The following RGS20 variants were observed in gnomAD, a reference collection of about 807,000 sequenced individuals.
RGS20 encodes gz-selective GTPase-activating protein.
RGS20 carries 30 observed loss-of-function variants against 33.6 expected under a neutral mutation model. The observed-to-expected ratio is 0.89, with a 90% confidence interval of 0.67 to 1.21. RGS20 has a LOEUF of 1.21. Among genes scored for constraint, RGS20 ranks in the 50% most tolerant of loss-of-function variants. The pLI, the probability that RGS20 is intolerant of heterozygous loss-of-function variation, is 0.00. For synonymous variants in RGS20, 208 were observed against 197.9 expected (o/e 1.05, Z -0.43); for missense variants, 472 against 502.4 (o/e 0.94, Z 0.58).
intron 5 of RGS20, among the ~76,000 whole-genome samples, chr8:53,955,717 G>A (rs1345752240): frequency 6.6e-6 from 1 of 152,122 alleles, no homozygotes; most frequent in African/African-American, 2.4e-5. Flanking sequence ...TGTAATCCCA[G>A]CTACTCAGGA....
At chr8:53,889,925 G>A (rs1812666511) in intron 2 of RGS20, among the ~76,000 whole-genome samples, 1 of 152,024 alleles carries the variant, frequency 6.6e-6, no homozygotes, top group African/African-American at 2.4e-5. Context: ...TGAATATAAT[G>A]TGCCTATATG....
chr8:53,942,767 T>C (rs1236555196), intron 3 of RGS20, among the ~76,000 whole-genome samples: 3 of 151,320 alleles, frequency 2.0e-5, no homozygotes, highest in African/African-American at 4.9e-5. Context: ...GGCAGAAGGA[T>C]TGTTTGAGCC....
chr8:53,880,735 G>C lies in RGS20; in HGVS notation c.510+1133G>C, dbSNP rs570949836. The C allele has an allele frequency of 5.9e-4, 381 of 648,142 alleles. 1 individual carries two copies. In the African/African-American group the frequency reaches 6.5e-3, roughly 11 times the overall value. 40.1% of individuals were successfully genotyped at this position (648,142 alleles called of 1,614,324 possible). A position where few individuals can be genotyped will look rare whatever the true frequency, so the allele number is the denominator to read the frequency against. ...GGGCTGGAGCAGTGGGGCTGCGGCC[G>C]GGGTGGAGGTCGCGCCCCGCGTGGG... On this transcript the variant is annotated intron_variant, in intron 2 of 5. Coordinates refer to ENST00000297313, the MANE Select transcript of RGS20 (RefSeq NM_170587.4).
intron 2 of RGS20, chr8:53,879,640 C>A: frequency 7.2e-7 from 1 of 1,390,560 alleles, no homozygotes; most frequent in Non-Finnish European, 9.5e-7. Context: ...CACACCCAGC[C>A]TCCCCAGGAC....
intron 2 of RGS20, among the ~76,000 whole-genome samples, chr8:53,929,390 A>G (rs563268348): frequency 3.9e-5 from 6 of 152,286 alleles, no homozygotes; most frequent in South Asian, 2.1e-4. Context: ...TTAAAAATGT[A>G]TAAGAACAGG....
chr8:53,931,911 C>T (rs1407908798), intron 2 of RGS20, among the ~76,000 whole-genome samples: 1 of 152,152 alleles, frequency 6.6e-6, no homozygotes, highest in Non-Finnish European at 1.5e-5. Flanking sequence ...AACCTACAGA[C>T]CAAAAGATTT....
At chr8:53,856,027 G>T (rs986333125) in intron 1 of RGS20, among the ~76,000 whole-genome samples, 22 of 152,116 alleles carry the variant, frequency 1.4e-4, no homozygotes, top group African/African-American at 4.8e-4. Flanking sequence ...GCTTCTGACA[G>T]TGATTTAAAA....
rs1261717017 is a variant in RGS20, at chr8:53,877,515, C to A, written c.166-1743C>A. Among the ~76,000 whole-genome samples, 1 of 152,244 alleles carries A rather than the reference C, an allele frequency of 6.6e-6. No homozygotes were observed. Among genetic ancestry groups the A allele is most frequent in the Non-Finnish European group, 1.5e-5 (1 of 68,042 alleles). On this transcript the variant is annotated intron_variant, in intron 1 of 5. Transcript: ENST00000297313. This position sits in a 1 kb window ranked among gnomAD's most constrained non-coding sequence, Gnocchi z 5.7. ...CGAGCGAGACGAACGCTCAGCAGCTCGTTCCCTGGGCGCCAAGACCGATTT... is the reference window on the plus strand; with the variant it reads ...CGAGCGAGACGAACGCTCAGCAGCTAGTTCCCTGGGCGCCAAGACCGATTT...
rs773651405 is a variant in RGS20, at chr8:53,879,339, G to C, written c.247G>C (p.Ala83Pro). The C allele has an allele frequency of 6.2e-7, 1 of 1,612,500 alleles. No individual in the cohort carries two copies. Among genetic ancestry groups the C allele is most frequent in the Admixed American group, 1.7e-5 (1 of 60,008 alleles). Residue 83 changes from alanine (A) to proline (P), a missense_variant, in exon 2 of 6, where the codon GCA (alanine) becomes CCA (proline). Ala to Pro is a conservative substitution (Grantham distance 27). Coordinates refer to ENST00000297313, the MANE Select transcript of RGS20 (RefSeq NM_170587.4). ...CCTTTCTAGCCCGCTTTCCAGCCTC[G>C]CAAGGTTCTTCTCTCACCTTCTCCG...
At chr8:53,900,729 A>G (rs1215474682) in intron 2 of RGS20, among the ~76,000 whole-genome samples, 1 of 152,146 alleles carries the variant, frequency 6.6e-6, no homozygotes, top group Non-Finnish European at 1.5e-5. Context: ...CACAAGTGGC[A>G]AAGGTCAGGA....
rs367772430 is a variant in RGS20 at position 53,907,269 on chromosome 8, T to C, written c.510+27667T>C. Among the ~76,000 whole-genome samples the C allele has an allele frequency of 4.7e-4, 72 of 152,244 alleles. 1 individual carries two copies. The highest frequency in any genetic ancestry group is 1.7e-3 in the African/African-American group (70 of 41,568). ...GCATTTGATGTTTTCTATGTCTTGT[T>C]AGCCTTCCTGTATCTATTAAGATTT... On this transcript the variant is annotated intron_variant, in intron 2 of 5. Coordinates refer to ENST00000297313, the MANE Select transcript of RGS20 (RefSeq NM_170587.4).
intron 5 of RGS20, among the ~76,000 whole-genome samples, chr8:53,957,475 C>T (rs1209964758): frequency 6.6e-6 from 1 of 152,250 alleles, no homozygotes; most frequent in Non-Finnish European, 1.5e-5. Context: ...TCAACTTCCA[C>T]TTCACCCCTG....
chr8:53,951,492 A>AAAAAAG (rs1233445427), intron 4 of RGS20, among the ~76,000 whole-genome samples: 11 of 152,140 alleles, frequency 7.2e-5, no homozygotes, highest in African/African-American at 2.6e-4. Flanking sequence ...CTGTATCAGA[A>AAAAAAG]AAAAAGAAAA....
intron 3 of RGS20, among the ~76,000 whole-genome samples, chr8:53,946,138 C>T (rs771451611): frequency 1.2e-4 from 18 of 152,106 alleles, no homozygotes; most frequent in Non-Finnish European, 2.2e-4. Context: ...GAAACAAAGC[C>T]TAGAGGATGT....
At chr8:53,862,639 A>G (rs1487710453) in intron 1 of RGS20, among the ~76,000 whole-genome samples, 1 of 152,196 alleles carries the variant, frequency 6.6e-6, no homozygotes, top group Non-Finnish European at 1.5e-5. Flanking sequence ...CTCCACAAGA[A>G]AATTTAAAAA....
intron 4 of RGS20, among the ~76,000 whole-genome samples, chr8:53,953,431 GA>G (rs1395867857): frequency 6.6e-6 from 1 of 151,428 alleles, no homozygotes; most frequent in Non-Finnish European, 1.5e-5. Context: ...CAAGGAGAGA[GA>G]ATCATATGAG....
Position 53,944,409 on chromosome 8 carries a change from G to A in RGS20, c.660-2256G>A, listed in dbSNP as rs544199720. The stretch of plus-strand genomic sequence containing the variant: ...AAAAATTAGCTGGGTGTGGTGGTGC[G>A]CGCCTGTAGTCCCAGCTACTCAGGA... On this transcript the variant is annotated intron_variant, in intron 3 of 5. Transcript: ENST00000297313. Among the ~76,000 whole-genome samples the A allele has an allele frequency of 3.2e-4, 48 of 152,050 alleles. 1 individual carries two copies. Among genetic ancestry groups the A allele is most frequent in the Admixed American group, 1.6e-3 (25 of 15,260 alleles).
intron 1 of RGS20, among the ~76,000 whole-genome samples, chr8:53,854,287 G>A (rs1483538): frequency 0.15 from 22,423 of 151,906 alleles, 3,620 homozygotes; most frequent in African/African-American, 0.38. Flanking sequence ...TATTGAGAGG[G>A]TAAAAGACAG....
At chr8:53,910,302 C>T (rs1228412944) in intron 2 of RGS20, among the ~76,000 whole-genome samples, 1 of 152,034 alleles carries the variant, frequency 6.6e-6, no homozygotes, top group Non-Finnish European at 1.5e-5. Flanking sequence ...AGACCCTCCA[C>T]CAAGGAAGAG....
Sources: gnomAD v4.1 joint callset for allele counts (sites outside exome capture counted in the v4.1 genomes callset) on GRCh38, gnomAD v4.1.1 for gene constraint, Gnocchi (gnomAD v3.1) non-coding constraint, MANE v1.5 for transcripts, NCBI Gene and HGNC (gene_info 2026-07-23, HGNC 2026-07-21) for gene names.